Variants in MBD5 observed in about 807,000 individuals in gnomAD.
MBD5 encodes methyl-CpG binding domain protein 5.
MBD5 carries 13 observed loss-of-function variants against 117.3 expected under a neutral mutation model. The observed-to-expected ratio is 0.11, with a 90% CI of 0.07 to 0.18. The LOEUF is 0.18. Among genes scored for constraint, MBD5 ranks in the 10% least tolerant of loss-of-function variants. The pLI is 1.00. For synonymous variants in MBD5, 727 were observed against 766.4 expected (o/e 0.95, Z 0.85); for missense variants, 1,879 against 2,093.8 (o/e 0.90, Z 2.00).
chr2:148,368,274 A>C (rs1703760082), intron 4 of MBD5, among the ~76,000 whole-genome samples: 1 of 152,122 alleles, frequency 6.6e-6, no homozygotes, highest in South Asian at 2.1e-4. Context: ...GGAACCGTAC[A>C]ATGAGAACAT....
intron 3 of MBD5, among the ~76,000 whole-genome samples, chr2:148,340,841 C>T (rs1702927261): frequency 9.0e-6 from 1 of 111,130 alleles, no homozygotes; most frequent in Non-Finnish European, 1.9e-5. Context: ...CACACATACA[C>T]ACACACACAC....
intron 1 of MBD5, among the ~76,000 whole-genome samples, chr2:148,105,044 A>T (rs1025222762): frequency 1.3e-5 from 2 of 152,116 alleles, no homozygotes; most frequent in African/African-American, 4.8e-5. Flanking sequence ...TCATAGTATT[A>T]TTCAGATTTT....
intron 2 of MBD5, among the ~76,000 whole-genome samples, chr2:148,228,011 C>G (rs749489441): frequency 1.1e-4 from 16 of 152,304 alleles, no homozygotes; most frequent in Non-Finnish European, 1.9e-4. Flanking sequence ...AGATTTTGGG[C>G]TGAGACAATG....
At chr2:148,178,834 TG>T in intron 2 of MBD5, 41 bp downstream of exon 2, 1 of 397,670 alleles carries the variant, frequency 2.5e-6, no homozygotes, top group East Asian at 3.6e-5. Context: ...TTCATGTAAA[TG>T]GTTAGGGTTG....
chr2:148,407,928 G>A (rs1271834974), intron 4 of MBD5, among the ~76,000 whole-genome samples: 2 of 152,050 alleles, frequency 1.3e-5, no homozygotes, highest in Non-Finnish European at 2.9e-5. Flanking sequence ...CCAATCAATA[G>A]CTGGTAATAC....
intron 4 of MBD5, among the ~76,000 whole-genome samples, chr2:148,374,895 CT>C (rs1703952849): frequency 6.6e-6 from 1 of 152,048 alleles, no homozygotes; most frequent in Non-Finnish European, 1.5e-5. Context: ...CCTATGTATG[CT>C]TTTTTCTTAA....
chr2:148,303,779 T>C (rs1014706024), intron 3 of MBD5, among the ~76,000 whole-genome samples: 1 of 152,230 alleles, frequency 6.6e-6, no homozygotes, highest in African/African-American at 2.4e-5. Context: ...AAATATAGTT[T>C]GCTCACTCTG....
At chr2:148,042,867 A>G (rs568657890) in intron 1 of MBD5, among the ~76,000 whole-genome samples, 4 of 152,172 alleles carry the variant, frequency 2.6e-5, no homozygotes, top group African/African-American at 9.6e-5. Context: ...AGTCAGGTTT[A>G]TTTTTACCTG....
At chr2:148,114,573 G>C (rs912738341) in intron 1 of MBD5, among the ~76,000 whole-genome samples, 1 of 152,240 alleles carries the variant, frequency 6.6e-6, no homozygotes, top group African/African-American at 2.4e-5. Context: ...AATTGTTAGA[G>C]AAAACCAGTA....
At chr2:148,397,611 G>C (rs887232971) in intron 4 of MBD5, among the ~76,000 whole-genome samples, 2 of 152,124 alleles carry the variant, frequency 1.3e-5, no homozygotes, top group Non-Finnish European at 1.5e-5. Flanking sequence ...TTACAGGCGT[G>C]AGCCACCGCG....
At chr2:148,212,198 C>T (rs1160356044) in intron 2 of MBD5, among the ~76,000 whole-genome samples, 1 of 152,146 alleles carries the variant, frequency 6.6e-6, no homozygotes, top group East Asian at 1.9e-4. Flanking sequence ...AGAACATTTC[C>T]TCACTCCAAA....
intron 4 of MBD5, among the ~76,000 whole-genome samples, chr2:148,348,226 CT>C (rs1703169989): frequency 6.6e-6 from 1 of 151,868 alleles, no homozygotes; most frequent in South Asian, 2.1e-4. Flanking sequence ...CTCCCCATAC[CT>C]TTTTGCACAC....
At position 148,172,493 on chromosome 2, in the gene MBD5, T is replaced by A. The variant is rs536647359; in HGVS notation, c.-924-6207T>A. 7.9e-5 allele frequency among the ~76,000 whole-genome samples: 12 copies of A among 152,266 alleles called. No individual in the cohort carries two copies. The South Asian group carries it at 2.5e-3, about 31-fold the overall frequency. On this transcript the variant is annotated intron_variant, in intron 1 of 13. Transcript: ENST00000642680. ...GGGGTTGGGGAAGGCAGAGGGTGGC[T>A]GGGGCAGGCCTGTTGGCTATTCCCC...
chr2:148,125,454 C>T (rs964939768), intron 1 of MBD5, among the ~76,000 whole-genome samples: 1 of 151,914 alleles, frequency 6.6e-6, no homozygotes, highest in Non-Finnish European at 1.5e-5. Flanking sequence ...ATATTTTTAC[C>T]TTTTTAAATT....
intron 3 of MBD5, among the ~76,000 whole-genome samples, chr2:148,330,271 T>C (rs533737011): frequency 1.3e-5 from 2 of 152,190 alleles, no homozygotes; most frequent in East Asian, 1.9e-4. Context: ...TTGGCCCTGA[T>C]TTGGCTAAAT....
At chr2:148,442,552 G>A (rs918003305) in intron 4 of MBD5, among the ~76,000 whole-genome samples, 1 of 151,082 alleles carries the variant, frequency 6.6e-6, no homozygotes. Flanking sequence ...AGTAGAAAAA[G>A]GATATATTAA....
chr2:148,381,226 A>T (rs997685835), intron 4 of MBD5, among the ~76,000 whole-genome samples: 6 of 152,328 alleles, frequency 3.9e-5, no homozygotes, highest in African/African-American at 1.4e-4. Context: ...TTGAAAAAAA[A>T]TTAGACGAAT....
At chr2:148,414,854 C>A (rs377680611) in intron 4 of MBD5, among the ~76,000 whole-genome samples, 1 of 152,062 alleles carries the variant, frequency 6.6e-6, no homozygotes, top group Admixed American at 6.6e-5. Flanking sequence ...CTATGGGTAT[C>A]ATTGCTTGTG....
intron 4 of MBD5, among the ~76,000 whole-genome samples, chr2:148,410,526 C>T (rs1015695063): frequency 6.6e-6 from 1 of 152,130 alleles, no homozygotes; most frequent in African/African-American, 2.4e-5. Context: ...ACCACTCTGG[C>T]TCAAGCAATC....
Sources: gnomAD v4.1 joint callset for allele counts (sites outside exome capture counted in the v4.1 genomes callset) on GRCh38, gnomAD v4.1.1 for gene constraint, MANE v1.5 for transcripts, NCBI Gene and HGNC (gene_info 2026-07-23, HGNC 2026-07-21) for gene names.